Variants in ACVRL1 observed in about 807,000 individuals in gnomAD.
The protein encoded by ACVRL1 is activin A receptor like type 1, also known as activin receptor type-1-like.
ACVRL1 carries 20 observed loss-of-function variants against 51.9 expected under a neutral mutation model. The observed-to-expected ratio is 0.39, with a 90% CI of 0.27 to 0.56. ACVRL1 has a LOEUF of 0.56. ACVRL1 is among the 20% of genes least tolerant of loss of function. The probability of loss-of-function intolerance (pLI) is 0.67; values close to 1 mark genes in which losing one functional copy is unlikely to be tolerated. For missense variants in ACVRL1, 451 were observed against 670.3 expected (o/e 0.67, Z 3.61); for synonymous variants, 288 against 280.9 (o/e 1.03, Z -0.25).
At chr12:51,914,233 G>A (rs1940772950) in intron 5 of ACVRL1, among the ~76,000 whole-genome samples, 160 bp downstream of exon 5, 2 of 152,078 alleles carry the variant, frequency 1.3e-5, no homozygotes, top group Non-Finnish European at 2.9e-5. Flanking sequence ...CCAGGGCTAG[G>A]TTCTTCTTTC....
At chr12:51,915,966 C>G in intron 7 of ACVRL1, 70 bp from the exon 8 acceptor site, 2 of 1,541,970 alleles carry the variant, frequency 1.3e-6, no homozygotes, top group East Asian at 4.5e-5. Flanking sequence ...TTCTCTCAGT[C>G]CCCACCTTGC....
In ACVRL1 at chr12:51,920,930, C is replaced by CTGGGGGG; in HGVS notation, c.*38_*44dup. The CTGGGGGG allele has an allele frequency of 1.8e-5, 6 of 336,490 alleles. No homozygotes were observed. The highest frequency in any genetic ancestry group is 8.0e-5 in the Admixed American group (2 of 25,030). 20.8% of individuals were successfully genotyped at this position (336,490 alleles called of 1,614,324 possible). ...CTGATTCCTTTCTGCCTGCAGGGGG[C>CTGGGGGG]TGGGGGGGTGGGGGGCAGTGGATGG... On this transcript the variant is annotated 3_prime_UTR_variant, in exon 10 of 10. Coordinates refer to ENST00000388922, the MANE Select transcript of ACVRL1 (RefSeq NM_000020.3).
Position 51,915,474 on chromosome 12 carries a change from A to G in ACVRL1, c.1022A>G (p.Asn341Ser), listed in dbSNP as rs149171481. 5.6e-6 allele frequency: 9 copies of G among 1,611,630 alleles called. No homozygotes were observed. In the African/African-American group the frequency reaches 1.2e-4, roughly 21 times the overall value. Reference protein sequence around the residue: ...FKSRNVLVKSNLQCCIADLGL... With the variant: ...FKSRNVLVKSSLQCCIADLGL... The stretch of plus-strand genomic sequence containing the variant: ...AGCCGCAATGTGCTGGTCAAGAGCA[A>G]CCTGCAGTGTTGCATCGCCGACCTG... The change falls in exon 7 of 10, where the codon AAC (asparagine) becomes AGC (serine). Residue 341 changes from asparagine (N) to serine (S), a missense_variant. Physicochemically the swap from Asn to Ser is conservative, Grantham distance 46. This residue lies in a region of ACVRL1 where 259 missense variants were observed against 453.4 expected (regional missense o/e 0.57). Coordinates refer to ENST00000388922, the MANE Select transcript of ACVRL1 (RefSeq NM_000020.3).
At chr12:51,912,799 G>A (rs1940719413) in intron 2 of ACVRL1, among the ~76,000 whole-genome samples, 1 of 152,122 alleles carries the variant, frequency 6.6e-6, no homozygotes, top group Non-Finnish European at 1.5e-5. Context: ...GGGAGAGCAG[G>A]TGTTGGCAGG....
rs1375526836 is a variant in ACVRL1 at position 51,917,790 on chromosome 12, A to G, written c.1247-1195A>G. 1.3e-5 allele frequency among the ~76,000 whole-genome samples: 2 copies of G among 152,124 alleles called. No homozygotes were observed. Among genetic ancestry groups the G allele is most frequent in the Non-Finnish European group, 2.9e-5 (2 of 68,010 alleles). On this transcript the variant is annotated intron_variant, in intron 8 of 9. Transcript: ENST00000388922. This position sits in a 1 kb window ranked among gnomAD's most constrained non-coding sequence, Gnocchi z 4.2. ...GGGAAAGAGGAACCTGGAAGAAGCC[A>G]AGGCTCCTTGGACCAGGCTGCAGGG...
In ACVRL1 at chr12:51,918,713, C is replaced by T. The variant is rs952606926; in HGVS notation, c.1247-272C>T. 2.0e-5 allele frequency among the ~76,000 whole-genome samples: 3 copies of T among 152,210 alleles called. No homozygotes were observed. In the East Asian group the frequency reaches 5.8e-4, roughly 29 times the overall value. ...CTGTAAAATGGAGGTAATACTAGTA[C>T]CCACCCCACAGGGCTGTTGTGAGGA... On this transcript the variant is annotated intron_variant, in intron 8 of 9. Coordinates refer to ENST00000388922, the MANE Select transcript of ACVRL1 (RefSeq NM_000020.3).
Position 51,913,346 on chromosome 12 carries a change from G to A in ACVRL1, c.309G>A (p.Leu103=), listed in dbSNP as rs555452405. 1.9e-6 allele frequency: 3 copies of A among 1,612,046 alleles called. No homozygotes were observed. Among genetic ancestry groups the A allele is most frequent in the African/African-American group, 2.7e-5 (2 of 74,874 alleles). The change falls in exon 3 of 10, where the codon CTG becomes CTA. Residue 103 remains leucine, a synonymous_variant. Transcript: ENST00000388922. ...GCAACCACAACGTGTCCCTGGTGCT[G>A]GAGGGTACGTCCAGCTGCCCTAGCA... ...HLCNHNVSLV[L]EATQPPSEQP... is the part of the protein sequence containing the mutation.
intron 4 of ACVRL1, 22 bp downstream of exon 4, chr12:51,913,792 A>G (rs1420081622): frequency 2.1e-5 from 33 of 1,608,962 alleles, no homozygotes; most frequent in Non-Finnish European, 2.5e-5. Flanking sequence ...GGGACCTGGG[A>G]CACAGGGTGT....
chr12:51,911,515 G>A (rs532669657), intron 1 of ACVRL1, among the ~76,000 whole-genome samples: 168 of 152,262 alleles, frequency 1.1e-3, no homozygotes, highest in African/African-American at 3.8e-3. Context: ...TTGCAGAGAG[G>A]TTTCTCTACA....
intron 8 of ACVRL1, among the ~76,000 whole-genome samples, chr12:51,918,197 CT>C (rs1940884929): frequency 6.6e-6 from 1 of 152,212 alleles, no homozygotes; most frequent in Non-Finnish European, 1.5e-5. Flanking sequence ...TCAGTGCTGG[CT>C]GCAGGAGTCA....
chr12:51,912,349 G>A, intron 1 of ACVRL1, 121 bp from the exon 2 acceptor site: 1 of 1,086,192 alleles, frequency 9.2e-7, no homozygotes, highest in Non-Finnish European at 1.4e-6. Context: ...GAGTAGGGAG[G>A]CGGCCTCCCT....
chr12:51,919,985 G>T (rs1445878705), intron 9 of ACVRL1, among the ~76,000 whole-genome samples: 1 of 152,112 alleles, frequency 6.6e-6, no homozygotes, highest in Non-Finnish European at 1.5e-5. Context: ...CTGAAAGAAT[G>T]AATATATTCT....
intron 1 of ACVRL1, 109 bp from the exon 2 acceptor site, chr12:51,912,361 C>A: frequency 7.9e-7 from 1 of 1,264,912 alleles, no homozygotes; most frequent in Non-Finnish European, 1.1e-6. Context: ...GGCCTCCCTG[C>A]CTCCCCTCCA....
chr12:51,920,982 A>G lies in ACVRL1; in HGVS notation c.*89A>G. 1 of 1,449,236 alleles carries G rather than the reference A, an allele frequency of 6.9e-7. No individual in the cohort carries two copies. Among genetic ancestry groups the G allele is most frequent in the Non-Finnish European group, 9.4e-7 (1 of 1,066,582 alleles). The allele number at this position is 1,449,236 out of a possible 1,614,324, so 89.8% of individuals were successfully genotyped here. A position where few individuals can be genotyped will look rare whatever the true frequency, so the allele number is the denominator to read the frequency against. ...GCCCTATCTGGGTAGAGGTAGTGTG[A>G]GTGTGGTGTGTGCTGGGGATGGGCA... On this transcript the variant is annotated 3_prime_UTR_variant, in exon 10 of 10. Coordinates refer to ENST00000388922, the MANE Select transcript of ACVRL1 (RefSeq NM_000020.3).
Position 51,913,283 on chromosome 12 carries a change from C to A in ACVRL1, c.246C>A (p.Thr82=). 1 of 1,606,372 alleles carries A rather than the reference C, an allele frequency of 6.2e-7. No individual in the cohort carries two copies. The highest frequency in any genetic ancestry group is 2.2e-5 in the East Asian group (1 of 44,582). Residue 82 remains threonine, a synonymous_variant, in exon 3 of 10, where the codon ACC becomes ACA. Coordinates refer to ENST00000388922, the MANE Select transcript of ACVRL1 (RefSeq NM_000020.3). ...GGGAGCTCTGCAGGGGGCGCCCCAC[C>A]GAGTTCGTCAACCACTACTGCTGCG... ...LHRELCRGRP[T]EFVNHYCCDS...
At chr12:51,915,979 G>GC in intron 7 of ACVRL1, 57 bp from the exon 8 acceptor site, 1 of 1,572,968 alleles carries the variant, frequency 6.4e-7, no homozygotes. Context: ...CACCTTGCCT[G>GC]CCCCCTGGAT....
At chr12:51,919,229 C>T (rs1200355277) in intron 9 of ACVRL1, 114 bp downstream of exon 9, 1 of 1,505,454 alleles carries the variant, frequency 6.6e-7, no homozygotes, top group Non-Finnish European at 9.1e-7. Context: ...ACTGAGTGTC[C>T]TGGTTAGGGC....
At chr12:51,915,593 C>G (rs1000299910) in intron 7 of ACVRL1, 93 bp downstream of exon 7, 23 of 1,468,098 alleles carry the variant, frequency 1.6e-5, no homozygotes, top group Admixed American at 8.8e-5. Context: ...CCATGATTAG[C>G]ACTTGAAAAT....
chr12:51,914,413 C>A (rs752469764), intron 5 of ACVRL1, 26 bp from the exon 6 acceptor site: 11 of 1,613,980 alleles, frequency 6.8e-6, no homozygotes, highest in Admixed American at 1.7e-5. Context: ...CAGTGTGTAA[C>A]CCTCACCTTC....
Sources: gnomAD v4.1 joint callset for allele counts (sites outside exome capture counted in the v4.1 genomes callset) on GRCh38, gnomAD v4.1.1 for gene constraint, gnomAD v4.1.1 regional missense constraint, Gnocchi (gnomAD v3.1) non-coding constraint, MANE v1.5 for transcripts, NCBI Gene and HGNC (gene_info 2026-07-23, HGNC 2026-07-21) for gene names.